The following STIL variants were observed in gnomAD, a reference collection of about 807,000 sequenced individuals.
STIL encodes the protein SCL-interrupting locus protein.
STIL carries 55 observed loss-of-function variants against 110.1 expected under a neutral mutation model. That is an observed-to-expected ratio of 0.50 (90% CI 0.40 to 0.63). The LOEUF is 0.63. STIL is among the 20% of genes least tolerant of loss of function. The pLI, the probability that STIL is intolerant of heterozygous loss-of-function variation, is 0.00. For missense variants in STIL, 1,358 were observed against 1,530.0 expected, an observed-to-expected ratio of 0.89 and a Z score of 1.87; for synonymous variants, 481 against 530.0, an observed-to-expected ratio of 0.91 and a Z score of 1.27.
At chr1:47,300,426 AC>A (rs1279734568) in intron 5 of STIL, among the ~76,000 whole-genome samples, 1 of 151,762 alleles carries the variant, frequency 6.6e-6, no homozygotes, top group Non-Finnish European at 1.5e-5. Context: ...TTGGGGAGTC[AC>A]CCCCAATAAA....
At chr1:47,287,779 G>GTAACCCTCTTT (rs1553178048) in intron 9 of STIL, 119 bp from the exon 10 acceptor site, 5 of 784,158 alleles carry the variant, frequency 6.4e-6, no homozygotes, top group Non-Finnish European at 1.1e-5. Context: ...TCTGATTTCT[G>GTAACCCTCTTT]TAACCCTCTT....
chr1:47,276,106 G>T (rs765764632), intron 12 of STIL, among the ~76,000 whole-genome samples: 1 of 151,604 alleles, frequency 6.6e-6, no homozygotes, highest in Non-Finnish European at 1.5e-5. Flanking sequence ...AGGTTCAAGC[G>T]ATTCTCATGC....
rs1001700319 is a variant in STIL, at chr1:47,293,968, C to T, written c.786-424G>A. On this transcript the variant is annotated intron_variant, in intron 7 of 16. Transcript: ENST00000371877. ...TCACAGAGTTGCTGAGGATTAAATGCTGTAATATATACAGGTAGTCAGAAA... is the reference window on the plus strand; with the variant it reads ...TCACAGAGTTGCTGAGGATTAAATGTTGTAATATATACAGGTAGTCAGAAA... Among the ~76,000 whole-genome samples the T allele has an allele frequency of 3.4e-4, 52 of 152,130 alleles. 1 individual carries two copies.
intron 3 of STIL, among the ~76,000 whole-genome samples, chr1:47,302,584 T>G (rs1168808406): frequency 6.6e-6 from 1 of 152,178 alleles, no homozygotes; most frequent in African/African-American, 2.4e-5. Flanking sequence ...TTTATGAACC[T>G]CAGCAGGTAG....
chr1:47,268,554 C>CGACCAGCCT (rs1186569027), intron 14 of STIL, among the ~76,000 whole-genome samples: 11 of 151,004 alleles, frequency 7.3e-5, no homozygotes, highest in Non-Finnish European at 1.3e-4. Flanking sequence ...CAGGAGTTCA[C>CGACCAGCCT]GACCAGCCTG....
chr1:47,269,028 T>C (rs1428148311), intron 14 of STIL, among the ~76,000 whole-genome samples: 1 of 151,254 alleles, frequency 6.6e-6, no homozygotes, highest in Admixed American at 6.6e-5. Flanking sequence ...GAGGTGGAGA[T>C]TGCAGTGAGC....
At chr1:47,311,037 G>A (rs528382458) in intron 1 of STIL, among the ~76,000 whole-genome samples, 1 of 151,824 alleles carries the variant, frequency 6.6e-6, no homozygotes, top group Non-Finnish European at 1.5e-5. Flanking sequence ...TAGTAGAGAC[G>A]GGGTTTCACC....
chr1:47,304,393 C>T (rs1645892465), intron 3 of STIL, among the ~76,000 whole-genome samples: 1 of 151,650 alleles, frequency 6.6e-6, no homozygotes, highest in Non-Finnish European at 1.5e-5. Context: ...TAGGCTGACT[C>T]AAGGCTCTCC....
chr1:47,277,308 C>G (rs777679845), intron 12 of STIL, among the ~76,000 whole-genome samples: 88 of 152,112 alleles, frequency 5.8e-4, no homozygotes, highest in Non-Finnish European at 8.4e-4. Context: ...ACACAGAAGA[C>G]AGTGATAAGA....
Position 47,304,884 on chromosome 1 carries a change from T to C in STIL, c.152+5A>G, listed in dbSNP as rs1215604378. The C allele has an allele frequency of 1.3e-6, 2 of 1,595,948 alleles. No homozygotes were observed. Among genetic ancestry groups the C allele is most frequent in the African/African-American group, 1.3e-5 (1 of 74,678 alleles). Reference sequence around the variant, plus strand: ...CTTGATTTGAAAAAAAGAAACATGTTATACCTGTAGTAACTGAGATGTAAG... The same window carrying C: ...CTTGATTTGAAAAAAAGAAACATGTCATACCTGTAGTAACTGAGATGTAAG... On this transcript the variant is annotated splice_donor_5th_base_variant and intron_variant, in intron 3 of 16. Coordinates refer to ENST00000371877, the MANE Select transcript of STIL (RefSeq NM_001048166.1).
intron 10 of STIL, among the ~76,000 whole-genome samples, chr1:47,286,928 G>C (rs11580114): frequency 0.26 from 39,386 of 151,894 alleles, 5,422 homozygotes; most frequent in Non-Finnish European, 0.31. Flanking sequence ...TAAGGATGTT[G>C]GCCAGGCTGG....
At chr1:47,269,599 A>C in intron 14 of STIL, 36 bp downstream of exon 14, 1 of 1,592,566 alleles carries the variant, frequency 6.3e-7, no homozygotes, top group Non-Finnish European at 8.6e-7. Context: ...ATTTTTTTTG[A>C]AAGTAGGATG....
intron 3 of STIL, among the ~76,000 whole-genome samples, chr1:47,304,464 C>T (rs912446218): frequency 2.0e-5 from 3 of 152,154 alleles, no homozygotes; most frequent in African/African-American, 7.2e-5. Context: ...TGTACAAAAC[C>T]TCAATAGATC....
chr1:47,272,989 C>T (rs779938661), intron 12 of STIL, among the ~76,000 whole-genome samples: 5 of 152,056 alleles, frequency 3.3e-5, no homozygotes, highest in Non-Finnish European at 7.4e-5. Context: ...AGTTACTGAG[C>T]GCCTGTTGTT....
intron 12 of STIL, among the ~76,000 whole-genome samples, chr1:47,276,700 T>C (rs1645001710): frequency 6.6e-6 from 1 of 151,262 alleles, no homozygotes; most frequent in Non-Finnish European, 1.5e-5. Context: ...TCCCAGCTAC[T>C]TGGGAAGCTG....
intron 12 of STIL, among the ~76,000 whole-genome samples, chr1:47,273,809 TTATTAA>T (rs1441680724): frequency 1.1e-4 from 17 of 152,206 alleles, no homozygotes; most frequent in Admixed American, 7.9e-4. Context: ...TGGATTAACC[TTATTAA>T]TATAGGAAAA....
chr1:47,263,139 T>TAA (rs1644532463), intron 14 of STIL, 23 bp from the exon 15 acceptor site: 1 of 1,603,010 alleles, frequency 6.2e-7, no homozygotes, highest in African/African-American at 1.3e-5. Flanking sequence ...TATAATGTGT[T>TAA]AGTCATTGAG....
chr1:47,296,839 A>G (rs1177111890), intron 6 of STIL, among the ~76,000 whole-genome samples: 3 of 152,220 alleles, frequency 2.0e-5, no homozygotes, highest in Non-Finnish European at 4.4e-5. Context: ...AAACAATGCC[A>G]TTAGTGATAT....
chr1:47,299,596 T>C (rs1463657761), intron 6 of STIL, among the ~76,000 whole-genome samples: 3 of 152,042 alleles, frequency 2.0e-5, no homozygotes, highest in Non-Finnish European at 4.4e-5. Flanking sequence ...TTTCACCATG[T>C]TGGCCAGACT....
Sources: allele counts gnomAD v4.1 joint callset (sites outside exome capture counted in the v4.1 genomes callset), GRCh38; gene constraint gnomAD v4.1.1; transcripts MANE v1.5; gene names NCBI Gene and HGNC (gene_info 2026-07-23, HGNC 2026-07-21).